Variants in SNN observed in about 807,000 individuals in gnomAD.
SNN encodes AG8_1.
A neutral mutation model predicts 5.3 loss-of-function variants in SNN; 5 were observed. That is an observed-to-expected ratio of 0.94 (90% CI 0.49 to 1.97). SNN has a LOEUF of 1.97. Among genes scored for constraint, SNN ranks in the 30% most tolerant of loss-of-function variants. The pLI, the probability that SNN is intolerant of heterozygous loss-of-function variation, is 0.01. For missense variants in SNN, 127 were observed against 121.6 expected (o/e 1.04, Z -0.21); for synonymous variants, 67 against 52.1 (o/e 1.29, Z -1.24).
Position 11,677,560 on chromosome 16 carries a change from A to C in SNN, c.*1234A>C, listed in dbSNP as rs1473044394. The C allele has an allele frequency of 6.0e-6, 1 of 167,032 alleles. No individual in the cohort carries two copies. The highest frequency in any genetic ancestry group is 1.5e-5 in the Non-Finnish European group (1 of 68,128). The allele number at this position is 167,032 out of a possible 1,614,324, so 10.3% of individuals were successfully genotyped here. ...GCGGCAGGGAGCCGGGGCAGGGCAG[A>C]GGTGAACTTGAAGTTCAGGACTTGA... On this transcript the variant is annotated 3_prime_UTR_variant, in exon 2 of 2. Coordinates refer to ENST00000329565, the MANE Select transcript of SNN (RefSeq NM_003498.6). The surrounding 1 kb of genome is among the most constrained non-coding windows in gnomAD (Gnocchi z 4.2).
chr16:11,672,698 G>A lies in SNN; in HGVS notation c.-85-3277G>A, dbSNP rs983196410. On this transcript the variant is annotated intron_variant, in intron 1 of 1. Transcript: ENST00000329565. This position sits in a 1 kb window ranked among gnomAD's most constrained non-coding sequence, Gnocchi z 6.0. ...CTCAGTCACTGGGCTCTGTGCTCGC[G>A]GCGGGGCAGAACCCCACATCTGGCT... Among the ~76,000 whole-genome samples, 12 of 152,168 alleles carry A rather than the reference G, an allele frequency of 7.9e-5. No homozygotes were observed. Among genetic ancestry groups the A allele is most frequent in the Non-Finnish European group, 1.3e-4 (9 of 68,028 alleles).
Position 11,668,723 on chromosome 16 carries a change from G to A in SNN, c.-86+183G>A, listed in dbSNP as rs908292787. Among the ~76,000 whole-genome samples the A allele has an allele frequency of 6.7e-6, 1 of 148,842 alleles. No individual in the cohort carries two copies. ...GGGGAGGGTCCGTTCCAGGGGCCGCGCCCGCGGGCTGGGGTTCTTTGTCAG... is the reference window on the plus strand; with the variant it reads ...GGGGAGGGTCCGTTCCAGGGGCCGCACCCGCGGGCTGGGGTTCTTTGTCAG... On this transcript the variant is annotated intron_variant, in intron 1 of 1. Transcript: ENST00000329565. This position sits in a 1 kb window ranked among gnomAD's most constrained non-coding sequence, Gnocchi z 6.8.
At chr16:11,673,307 G>T (rs2050277833) in intron 1 of SNN, among the ~76,000 whole-genome samples, 1 of 152,184 alleles carries the variant, frequency 6.6e-6, no homozygotes, top group African/African-American at 2.4e-5. Flanking sequence ...GTCTGTACAT[G>T]CAGGGGACAG....
At position 11,672,161 on chromosome 16, in the gene SNN, T is replaced by C. The variant is rs1460068095; in HGVS notation, c.-86+3621T>C. On this transcript the variant is annotated intron_variant, in intron 1 of 1. Transcript: ENST00000329565. This position sits in a 1 kb window ranked among gnomAD's most constrained non-coding sequence, Gnocchi z 6.0. ...CAGGGAGGGAACACTCAACAGACCA[T>C]TCACTGAGCACCTACTGTGTACCCG... Among the ~76,000 whole-genome samples the C allele has an allele frequency of 6.6e-6, 1 of 152,132 alleles. No individual in the cohort carries two copies. The highest frequency in any genetic ancestry group is 1.5e-5 in the Non-Finnish European group (1 of 68,026).
chr16:11,675,878 T>C (rs2050299686), intron 1 of SNN, 97 bp from the exon 2 acceptor site: 1 of 627,416 alleles, frequency 1.6e-6, no homozygotes, highest in African/African-American at 1.8e-5. Flanking sequence ...GCATGCTTTT[T>C]GTCAGGGTGA....
At chr16:11,670,830 T>C (rs1318287160) in intron 1 of SNN, among the ~76,000 whole-genome samples, 1 of 152,016 alleles carries the variant, frequency 6.6e-6, no homozygotes, top group East Asian at 1.9e-4. Context: ...CAAGCCGGGG[T>C]CCTGGGAGGG....
intron 1 of SNN, among the ~76,000 whole-genome samples, chr16:11,670,810 C>T (rs1264040216): frequency 1.3e-5 from 2 of 152,188 alleles, no homozygotes; most frequent in African/African-American, 4.8e-5. Flanking sequence ...GGAGTGGGAT[C>T]AGGCTCAGAC....
chr16:11,678,949 A>G lies in SNN; in HGVS notation c.*2623A>G. 1 of 509,408 alleles carries G rather than the reference A, an allele frequency of 2.0e-6. No homozygotes were observed. The highest frequency in any genetic ancestry group is 2.4e-5 in the South Asian group (1 of 41,258). 31.6% of individuals were successfully genotyped at this position (509,408 alleles called of 1,614,324 possible). ...GGAACTCTTGACACTGAGCCACTAA[A>G]ATATGGACTAATTTTTTGGACAAAT... On this transcript the variant is annotated 3_prime_UTR_variant, in exon 2 of 2. Transcript: ENST00000329565.
At chr16:11,669,483 C>G (rs929578645) in intron 1 of SNN, among the ~76,000 whole-genome samples, 1 of 152,232 alleles carries the variant, frequency 6.6e-6, no homozygotes, top group Admixed American at 6.5e-5. Context: ...CCCTGCGCGT[C>G]TACTTTTGAG....
Position 11,668,594 on chromosome 16 carries a change from C to CG in SNN, c.-86+59dup, listed in dbSNP as rs1200001297. The CG allele has an allele frequency of 4.5e-4, 59 of 129,956 alleles. No homozygotes were observed. In the South Asian group the frequency reaches 5.8e-3, roughly 13 times the overall value. The allele number at this position is 129,956 out of a possible 1,614,324, so 8.1% of individuals were successfully genotyped here. A position where few individuals can be genotyped will look rare whatever the true frequency, so the allele number is the denominator to read the frequency against. On this transcript the variant is annotated intron_variant, in intron 1 of 1. Transcript: ENST00000329565. The surrounding 1 kb of genome is among the most constrained non-coding windows in gnomAD (Gnocchi z 6.8). ...CGGGCCGGGCGGGGGCGCCGGGGCC[C>CG]GGGGGCGGGAAGGGGGAGGCCAGGA...
chr16:11,676,663 A>G lies in SNN; in HGVS notation c.*337A>G, dbSNP rs1227246816. On this transcript the variant is annotated 3_prime_UTR_variant, in exon 2 of 2. Coordinates refer to ENST00000329565, the MANE Select transcript of SNN (RefSeq NM_003498.6). ...TGAACTAACAAACCTGTGAACTGTA[A>G]ATAGGCCCCTGGAAGCACGTGCTTA... 1 of 298,196 alleles carries G rather than the reference A, an allele frequency of 3.4e-6. No homozygotes were observed. Among genetic ancestry groups the G allele is most frequent in the Non-Finnish European group, 6.8e-6 (1 of 148,128 alleles). The allele number at this position is 298,196 out of a possible 1,614,324, so 18.5% of individuals were successfully genotyped here.
chr16:11,676,134 G>T lies in SNN; in HGVS notation c.75G>T (p.Leu25=). 6.2e-7 allele frequency: 1 copy of T among 1,613,510 alleles called. No individual in the cohort carries two copies. Among genetic ancestry groups the T allele is most frequent in the Non-Finnish European group, 8.5e-7 (1 of 1,179,432 alleles). Residue 25 remains leucine, a synonymous_variant, in exon 2 of 2, where the codon CTG becomes CTT. Coordinates refer to ENST00000329565, the MANE Select transcript of SNN (RefSeq NM_003498.6). ...VIVILIAIAA[L]GALILGCWCY... ...TCATCCTCATTGCCATCGCGGCCCT[G>T]GGGGCCTTGATCCTGGGCTGCTGGT... is the stretch of plus-strand genomic sequence containing the variant.
chr16:11,670,007 G>A (rs1334919056), intron 1 of SNN, among the ~76,000 whole-genome samples: 1 of 152,248 alleles, frequency 6.6e-6, no homozygotes, highest in African/African-American at 2.4e-5. Context: ...CTTCTGGAGG[G>A]CTGGGGCCTT....
intron 1 of SNN, among the ~76,000 whole-genome samples, chr16:11,670,907 C>T (rs2050262319): frequency 6.6e-6 from 1 of 152,132 alleles, no homozygotes; most frequent in Non-Finnish European, 1.5e-5. Flanking sequence ...ATTTGAATGG[C>T]TCTGACGGGG....
Position 11,676,218 on chromosome 16 carries a change from T to TG in SNN, c.163dup (p.Glu55GlyfsTer64). On this transcript the variant is annotated frameshift_variant, in exon 2 of 2. Transcript: ENST00000329565. LOFTEE classifies it high-confidence loss of function. ...AGGACGAGGAGAGCATCGTGGGGGATGGGGAGACCAAGGAACCCTTCCTGC... is the reference window on the plus strand; with the variant it reads ...AGGACGAGGAGAGCATCGTGGGGGATGGGGGAGACCAAGGAACCCTTCCTGC... 6.2e-7 allele frequency: 1 copy of TG among 1,614,116 alleles called. No homozygotes were observed. Among genetic ancestry groups the TG allele is most frequent in the Non-Finnish European group, 8.5e-7 (1 of 1,180,026 alleles).
intron 1 of SNN, among the ~76,000 whole-genome samples, chr16:11,675,424 T>C (rs1041559691): frequency 1.3e-5 from 2 of 152,074 alleles, no homozygotes; most frequent in Non-Finnish European, 2.9e-5. Flanking sequence ...TGTGCCACCA[T>C]GCCCAGCTAA....
Position 11,671,307 on chromosome 16 carries a change from G to T in SNN, c.-86+2767G>T, listed in dbSNP as rs951538216. On this transcript the variant is annotated intron_variant, in intron 1 of 1. Transcript: ENST00000329565. The surrounding 1 kb of genome is among the most constrained non-coding windows in gnomAD (Gnocchi z 4.7). ...GGCAAGACTGAAGGCACATGGAGCA[G>T]GAGGGTGTGTGTTTGGGGGATCCAG... Among the ~76,000 whole-genome samples the T allele has an allele frequency of 3.9e-5, 6 of 152,160 alleles. No homozygotes were observed. Among genetic ancestry groups the T allele is most frequent in the Admixed American group, 6.5e-5 (1 of 15,278 alleles).
intron 1 of SNN, among the ~76,000 whole-genome samples, chr16:11,670,393 G>A (rs2050259489): frequency 6.6e-6 from 1 of 152,210 alleles, no homozygotes; most frequent in Non-Finnish European, 1.5e-5. Flanking sequence ...GGAGGAGGCA[G>A]CGTGTCCCTG....
rs1161224261 is a variant in SNN at position 11,672,488 on chromosome 16, G to A, written c.-85-3487G>A. ...AGAGGTGGGAGCGTGGGCTCGCAGC[G>A]GAGGGTGTGGGGACGCCTGGGGAGG... On this transcript the variant is annotated intron_variant, in intron 1 of 1. Transcript: ENST00000329565. This position sits in a 1 kb window ranked among gnomAD's most constrained non-coding sequence, Gnocchi z 6.0. 3.9e-5 allele frequency among the ~76,000 whole-genome samples: 6 copies of A among 152,196 alleles called. No homozygotes were observed. The highest frequency in any genetic ancestry group is 5.9e-5 in the Non-Finnish European group (4 of 68,026).
Sources: allele counts gnomAD v4.1 joint callset (sites outside exome capture counted in the v4.1 genomes callset), GRCh38; gene constraint gnomAD v4.1.1; non-coding constraint Gnocchi (gnomAD v3.1); transcripts MANE v1.5; gene names NCBI Gene and HGNC (gene_info 2026-07-23, HGNC 2026-07-21).